SSBP2: variants seen among roughly 807,000 people sequenced by gnomAD.
SSBP2 encodes single stranded DNA binding protein 2.
In SSBP2, 17 loss-of-function variants were observed where a neutral mutation model predicts 61.8. That is an observed-to-expected ratio of 0.28 (90% confidence interval 0.19 to 0.41). The LOEUF (loss-of-function observed/expected upper bound fraction) is 0.41, where lower values mean the gene tolerates loss of function less well. Ranked by LOEUF, SSBP2 falls within the 10% of genes least tolerant of loss-of-function variation. The probability of loss-of-function intolerance (pLI) is 1.00; values close to 1 mark genes in which losing one functional copy is unlikely to be tolerated. For missense variants in SSBP2, 310 were observed against 458.7 expected, an observed-to-expected ratio of 0.68 and a Z score of 2.96; for synonymous variants, 139 against 141.3, an observed-to-expected ratio of 0.98 and a Z score of 0.12.
At chr5:81,531,314 T>G (rs1461875198) in intron 4 of SSBP2, among the ~76,000 whole-genome samples, 1 of 151,730 alleles carries the variant, frequency 6.6e-6, no homozygotes, top group Non-Finnish European at 1.5e-5. Context: ...GATCAAAAAT[T>G]TTTACAGAGG....
chr5:81,472,389 G>A (rs143996828), intron 8 of SSBP2, among the ~76,000 whole-genome samples: 333 of 152,204 alleles, frequency 2.2e-3, no homozygotes, highest in African/African-American at 6.8e-3. Flanking sequence ...TTATAGAGAA[G>A]TCAGCTAACA....
intron 2 of SSBP2, 123 bp from the exon 3 acceptor site, chr5:81,636,741 A>AT (rs1748277002): frequency 7.2e-6 from 6 of 832,540 alleles, no homozygotes; most frequent in Non-Finnish European, 1.1e-5. Context: ...TTTTCATGAT[A>AT]TTTTTTACCC....
At chr5:81,652,032 A>C (rs2153714590) in intron 1 of SSBP2, among the ~76,000 whole-genome samples, 1 of 152,332 alleles carries the variant, frequency 6.6e-6, no homozygotes, top group South Asian at 2.1e-4. Flanking sequence ...CTAGAGCCAA[A>C]CCAGTGGTTA....
At chr5:81,580,218 A>G (rs1774536824) in intron 4 of SSBP2, among the ~76,000 whole-genome samples, 1 of 152,126 alleles carries the variant, frequency 6.6e-6, no homozygotes, top group African/African-American at 2.4e-5. Context: ...TTAAGGCAGA[A>G]CTATAGAAAT....
chr5:81,538,977 G>C (rs1196280197), intron 4 of SSBP2, among the ~76,000 whole-genome samples: 1 of 152,128 alleles, frequency 6.6e-6, no homozygotes, highest in Non-Finnish European at 1.5e-5. Context: ...GCGTAACTTT[G>C]ACTTTCAAGA....
intron 4 of SSBP2, among the ~76,000 whole-genome samples, chr5:81,544,397 T>C (rs532506751): frequency 6.6e-6 from 1 of 152,262 alleles, no homozygotes; most frequent in Admixed American, 6.5e-5. Flanking sequence ...TGGAAGGCAA[T>C]CAGGCATCTT....
At chr5:81,679,379 A>G (rs1419954618) in intron 1 of SSBP2, among the ~76,000 whole-genome samples, 1 of 152,216 alleles carries the variant, frequency 6.6e-6, no homozygotes, top group African/African-American at 2.4e-5. Flanking sequence ...GTATTTGATT[A>G]TGTATGCTTA....
At chr5:81,736,191 C>CACACACACA (rs1257403812) in intron 1 of SSBP2, among the ~76,000 whole-genome samples, 10 of 60,334 alleles carry the variant, frequency 1.7e-4, no homozygotes, top group African/African-American at 1.3e-3. Flanking sequence ...CACACACACT[C>CACACACACA]TACGGCACTA....
intron 4 of SSBP2, among the ~76,000 whole-genome samples, chr5:81,611,168 TAA>T (rs1173854076): frequency 6.6e-6 from 1 of 152,156 alleles, no homozygotes; most frequent in Non-Finnish European, 1.5e-5. Context: ...TTTATTTATT[TAA>T]AAAAGATATA....
At chr5:81,515,657 C>T (rs1768958215) in intron 4 of SSBP2, among the ~76,000 whole-genome samples, 1 of 151,352 alleles carries the variant, frequency 6.6e-6, no homozygotes, top group South Asian at 2.1e-4. Flanking sequence ...GTAAAATTCA[C>T]AGTTAAATAT....
At chr5:81,672,515 G>C (rs1297896367) in intron 1 of SSBP2, among the ~76,000 whole-genome samples, 3 of 151,550 alleles carry the variant, frequency 2.0e-5, no homozygotes, top group Non-Finnish European at 4.4e-5. Flanking sequence ...AATAGACAAG[G>C]GAAGAAAAGA....
chr5:81,615,337 AC>A lies in SSBP2; in HGVS notation c.282+135del, dbSNP rs1458329360. On this transcript the variant is annotated intron_variant, in intron 4 of 16. Coordinates refer to ENST00000320672, the MANE Select transcript of SSBP2 (RefSeq NM_012446.5). ...ATTTCACATTTAAAGTTATGAACCT[AC>A]TTTTCAAGAAAAAAGAGACCAAACA... The A allele has an allele frequency of 5.7e-6, 4 of 701,226 alleles. No homozygotes were observed. In the African/African-American group the frequency reaches 7.1e-5, roughly 13 times the overall value. 43.4% of individuals were successfully genotyped at this position (701,226 alleles called of 1,614,324 possible).
intron 3 of SSBP2, among the ~76,000 whole-genome samples, chr5:81,636,251 G>T (rs181629235): frequency 2.3e-3 from 348 of 152,262 alleles, no homozygotes; most frequent in African/African-American, 7.9e-3. Flanking sequence ...ATTGTGAAAA[G>T]TAAAATTCTG....
chr5:81,575,546 T>C (rs1208966759), intron 4 of SSBP2, among the ~76,000 whole-genome samples: 1 of 150,700 alleles, frequency 6.6e-6, no homozygotes, highest in Non-Finnish European at 1.5e-5. Context: ...TGGTGGGAGG[T>C]AGGAAAAGGA....
intron 4 of SSBP2, among the ~76,000 whole-genome samples, chr5:81,518,312 G>A (rs369196867): frequency 6.6e-6 from 1 of 152,088 alleles, no homozygotes; most frequent in African/African-American, 2.4e-5. Flanking sequence ...GCTATGGTAC[G>A]AATGTGTCCC....
chr5:81,616,256 G>C (rs906382041), intron 3 of SSBP2: 1 of 148,090 alleles, frequency 6.8e-6, no homozygotes, highest in Non-Finnish European at 1.5e-5. Flanking sequence ...CACCGTGCGC[G>C]AGCCGAAGCA....
At chr5:81,727,360 A>C (rs1330121806) in intron 1 of SSBP2, among the ~76,000 whole-genome samples, 2 of 151,934 alleles carry the variant, frequency 1.3e-5, no homozygotes, top group South Asian at 2.1e-4. Context: ...GACCAGCCTG[A>C]CCAACATGGA....
In SSBP2 at chr5:81,437,310, G is replaced by A. The variant is rs1762734766; in HGVS notation, c.957+120C>T. The A allele has an allele frequency of 7.0e-6, 6 of 862,944 alleles. No individual in the cohort carries two copies. In the East Asian group the frequency reaches 1.5e-4, roughly 22 times the overall value. 53.5% of individuals were successfully genotyped at this position (862,944 alleles called of 1,614,324 possible). A position where few individuals can be genotyped will look rare whatever the true frequency, so the allele number is the denominator to read the frequency against. On this transcript the variant is annotated intron_variant, in intron 15 of 16. Transcript: ENST00000320672. Reference sequence around the variant, plus strand: ...CTTAACTTCCAATTAATTATACCTGGTCTTCTACTTTCAAACTCTTGTTCA... The same window carrying A: ...CTTAACTTCCAATTAATTATACCTGATCTTCTACTTTCAAACTCTTGTTCA...
chr5:81,730,462 T>C (rs561963808), intron 1 of SSBP2, among the ~76,000 whole-genome samples: 1 of 152,164 alleles, frequency 6.6e-6, no homozygotes, highest in Non-Finnish European at 1.5e-5. Flanking sequence ...TGACCTCAGG[T>C]GATCCACCTG....
Sources: gnomAD v4.1 joint callset for allele counts (sites outside exome capture counted in the v4.1 genomes callset) on GRCh38, gnomAD v4.1.1 for gene constraint, MANE v1.5 for transcripts, NCBI Gene and HGNC (gene_info 2026-07-23, HGNC 2026-07-21) for gene names.